Variants in IQCJ observed in about 807,000 individuals in gnomAD.
IQCJ encodes the protein IQ motif containing J, also known as IQ domain-containing protein J.
A neutral mutation model predicts 11.0 loss-of-function variants in IQCJ; 9 were observed. The observed-to-expected ratio is 0.82, with a 90% CI of 0.49 to 1.43. The LOEUF (loss-of-function observed/expected upper bound fraction) is 1.43, where lower values mean the gene tolerates loss of function less well. IQCJ is among the 40% of genes most tolerant of loss of function. The pLI, the probability that IQCJ is intolerant of heterozygous loss-of-function variation, is 0.00. For missense variants in IQCJ, 146 were observed against 133.2 expected (o/e 1.10, Z -0.47); for synonymous variants, 55 against 51.3 (o/e 1.07, Z -0.31).
intron 1 of IQCJ, among the ~76,000 whole-genome samples, chr3:159,240,372 A>G (rs1365973205): frequency 6.6e-6 from 1 of 152,182 alleles, no homozygotes; most frequent in Non-Finnish European, 1.5e-5. Flanking sequence ...AGAGGTGGGC[A>G]ATGATTGTTC....
intron 1 of IQCJ, among the ~76,000 whole-genome samples, chr3:159,187,052 T>C (rs1298846474): frequency 6.6e-6 from 1 of 152,222 alleles, no homozygotes; most frequent in Non-Finnish European, 1.5e-5. Flanking sequence ...TTGAAGACAC[T>C]GGATTAGACA....
At chr3:159,119,817 T>C (rs1244478418) in intron 1 of IQCJ, among the ~76,000 whole-genome samples, 1 of 152,164 alleles carries the variant, frequency 6.6e-6, no homozygotes, top group Non-Finnish European at 1.5e-5. Context: ...GGGGAAGAGA[T>C]GAGTGGGGCT....
chr3:159,184,560 A>AGT (rs1723277344), intron 1 of IQCJ, among the ~76,000 whole-genome samples: 1 of 152,222 alleles, frequency 6.6e-6, no homozygotes, highest in African/African-American at 2.4e-5. Flanking sequence ...TGTATTCCCC[A>AGT]AACCTACAAT....
At chr3:159,250,640 C>A (rs1727541217) in intron 2 of IQCJ, among the ~76,000 whole-genome samples, 1 of 152,102 alleles carries the variant, frequency 6.6e-6, no homozygotes, top group Non-Finnish European at 1.5e-5. Context: ...TGGGGGAAGC[C>A]CCTTATAAAA....
intron 3 of IQCJ, among the ~76,000 whole-genome samples, chr3:159,261,503 T>G (rs1310382681): frequency 6.6e-6 from 1 of 152,206 alleles, no homozygotes; most frequent in Non-Finnish European, 1.5e-5. Context: ...ATTTCCCCCA[T>G]GCCGTTCTGT....
At chr3:159,116,560 G>T (rs1209455229) in intron 1 of IQCJ, among the ~76,000 whole-genome samples, 2 of 140,552 alleles carry the variant, frequency 1.4e-5, no homozygotes, top group African/African-American at 5.3e-5. Flanking sequence ...CTGTTAACAT[G>T]CATTTCTATG....
intron 1 of IQCJ, among the ~76,000 whole-genome samples, chr3:159,190,515 G>A (rs961242217): frequency 6.6e-6 from 1 of 152,192 alleles, no homozygotes; most frequent in Non-Finnish European, 1.5e-5. Context: ...AGGAAGGACT[G>A]CTTCAGAGGC....
chr3:159,249,975 G>A (rs1409955390), intron 2 of IQCJ, among the ~76,000 whole-genome samples: 1 of 152,082 alleles, frequency 6.6e-6, no homozygotes, highest in Non-Finnish European at 1.5e-5. Flanking sequence ...AGAGCAATTG[G>A]TAAGGCCATT....
rs935919011 is a variant in IQCJ, at chr3:159,261,065, A to AT, written c.156-1475dup. On this transcript the variant is annotated intron_variant, in intron 3 of 3. Coordinates refer to ENST00000397832, the MANE Select transcript of IQCJ (RefSeq NM_001042706.3). ...CATACAGATTCAATAATGTGGTCAC[A>AT]TTTTTTTTGTTATTTATATGCTGTG... is the stretch of plus-strand genomic sequence containing the variant. Among the ~76,000 whole-genome samples, 88 of 152,030 alleles carry AT rather than the reference A, an allele frequency of 5.8e-4. No homozygotes were observed. The East Asian group carries it at 6.0e-3, about 10-fold the overall frequency.
intron 1 of IQCJ, among the ~76,000 whole-genome samples, chr3:159,150,582 C>T (rs1197116712): frequency 1.7e-5 from 2 of 118,448 alleles, no homozygotes; most frequent in Non-Finnish European, 3.5e-5. Context: ...GCATTGTCCC[C>T]AACACACACA....
intron 1 of IQCJ, among the ~76,000 whole-genome samples, chr3:159,094,923 A>C (rs1020091526): frequency 1.3e-5 from 2 of 151,864 alleles, no homozygotes; most frequent in African/African-American, 4.9e-5. Context: ...AAGTTATTCC[A>C]CATCAGGTAG....
At chr3:159,200,048 A>ATG (rs1491387588) in intron 1 of IQCJ, among the ~76,000 whole-genome samples, 5 of 138,070 alleles carry the variant, frequency 3.6e-5, no homozygotes, top group African/African-American at 5.6e-5. Flanking sequence ...ATATATATAT[A>ATG]AATCTAAATT....
chr3:159,154,524 A>G (rs1048407902), intron 1 of IQCJ, among the ~76,000 whole-genome samples: 3 of 152,140 alleles, frequency 2.0e-5, no homozygotes, highest in Non-Finnish European at 1.5e-5. Flanking sequence ...CTCGAATACT[A>G]TGTGAGGCCT....
At chr3:159,175,341 C>T (rs1052135237) in intron 1 of IQCJ, among the ~76,000 whole-genome samples, 19 of 152,104 alleles carry the variant, frequency 1.2e-4, no homozygotes, top group African/African-American at 3.9e-4. Flanking sequence ...TGTGGTGGCG[C>T]ATGCTTGTAG....
chr3:159,253,167 T>TCACACA (rs149334599), intron 3 of IQCJ, among the ~76,000 whole-genome samples: 1 of 151,684 alleles, frequency 6.6e-6, no homozygotes, highest in Non-Finnish European at 1.5e-5. Flanking sequence ...CATCTATGTA[T>TCACACA]CACACACACA....
chr3:159,077,199 A>G (rs1715981788), intron 1 of IQCJ, among the ~76,000 whole-genome samples: 2 of 152,154 alleles, frequency 1.3e-5, no homozygotes, highest in Non-Finnish European at 2.9e-5. Context: ...TTCTCATATC[A>G]TCTATACCCA....
At chr3:159,188,292 C>G (rs1029665178) in intron 1 of IQCJ, among the ~76,000 whole-genome samples, 2 of 152,222 alleles carry the variant, frequency 1.3e-5, no homozygotes, top group Non-Finnish European at 2.9e-5. Context: ...CGCCTGTAAT[C>G]CCAGCTACTT....
intron 1 of IQCJ, among the ~76,000 whole-genome samples, chr3:159,123,529 G>C (rs1719499822): frequency 6.6e-6 from 1 of 152,068 alleles, no homozygotes; most frequent in Non-Finnish European, 1.5e-5. Context: ...GCTTGATTGG[G>C]TGGGTTGGGT....
chr3:159,146,871 C>T (rs1401499952), intron 1 of IQCJ, among the ~76,000 whole-genome samples: 1 of 152,166 alleles, frequency 6.6e-6, no homozygotes, highest in East Asian at 1.9e-4. Context: ...TAGTCAAGGG[C>T]TGTCAGGTGG....
Sources: gnomAD v4.1 joint callset for allele counts (sites outside exome capture counted in the v4.1 genomes callset) on GRCh38, gnomAD v4.1.1 for gene constraint, MANE v1.5 for transcripts, NCBI Gene and HGNC (gene_info 2026-07-23, HGNC 2026-07-21) for gene names.